Variants in NREP observed in about 807,000 individuals in gnomAD.
NREP encodes neuronal regeneration related protein.
A neutral mutation model predicts 8.6 loss-of-function variants in NREP; 5 were observed. The observed-to-expected ratio is 0.58, with a 90% CI of 0.30 to 1.22. The LOEUF (loss-of-function observed/expected upper bound fraction) is 1.22, where lower values mean the gene tolerates loss of function less well. Among genes scored for constraint, NREP ranks in the 50% most tolerant of loss-of-function variants. The pLI is 0.07. For synonymous variants in NREP, 27 were observed against 28.0 expected (o/e 0.96, Z 0.11); for missense variants, 86 against 82.5 (o/e 1.04, Z -0.17).
intron 2 of NREP, among the ~76,000 whole-genome samples, chr5:111,927,723 G>A (rs913524061): frequency 6.6e-6 from 1 of 152,114 alleles, no homozygotes; most frequent in Non-Finnish European, 1.5e-5. Flanking sequence ...CCTCACAAGA[G>A]TAACTACCCT....
Position 111,739,954 on chromosome 5 carries a change from T to C in NREP, c.4-4447A>G, listed in dbSNP as rs1395442807. Among the ~76,000 whole-genome samples, 90 of 151,978 alleles carry C rather than the reference T, an allele frequency of 5.9e-4. 1 individual carries two copies. Among genetic ancestry groups the C allele is most frequent in the Admixed American group, 5.9e-3 (90 of 15,246 alleles). Reference sequence around the variant, plus strand: ...CTAGAATACTATTCTTCCAGAAGTCTATTAGAAAATCAGAAAAGCAAATCG... The same window carrying C: ...CTAGAATACTATTCTTCCAGAAGTCCATTAGAAAATCAGAAAAGCAAATCG... On this transcript the variant is annotated intron_variant, in intron 2 of 3. Coordinates refer to ENST00000257435, the MANE Select transcript of NREP (RefSeq NM_004772.4).
chr5:111,759,897 A>G (rs572798422), upstream of NREP, among the ~76,000 whole-genome samples: 68 of 152,272 alleles, frequency 4.5e-4, no homozygotes, highest in African/African-American at 1.4e-3. Flanking sequence ...CTGCTCCATT[A>G]CGGGATAAAG....
chr5:111,751,991 A>C (rs1352207694), intron 2 of NREP, among the ~76,000 whole-genome samples: 1 of 152,238 alleles, frequency 6.6e-6, no homozygotes, highest in East Asian at 1.9e-4. Flanking sequence ...TAACTGACCA[A>C]GTAAATTAAT....
intron 2 of NREP, among the ~76,000 whole-genome samples, chr5:111,766,655 C>T (rs945505305): frequency 9.2e-5 from 14 of 152,230 alleles, no homozygotes; most frequent in African/African-American, 1.7e-4. Context: ...CATCCTAACC[C>T]TCTGTCTCTT....
At chr5:111,919,573 G>A (rs1755165156) in intron 2 of NREP, among the ~76,000 whole-genome samples, 1 of 151,952 alleles carries the variant, frequency 6.6e-6, no homozygotes, top group South Asian at 2.1e-4. Context: ...ATCTTTACAG[G>A]GACATGGATG....
intron 2 of NREP, among the ~76,000 whole-genome samples, chr5:111,769,326 T>G (rs1174990837): frequency 1.3e-5 from 2 of 152,224 alleles, no homozygotes; most frequent in African/African-American, 2.4e-5. Context: ...CTAATGGAAC[T>G]TAATTCTATA....
At chr5:111,760,469 G>A (rs7705108), upstream of NREP, among the ~76,000 whole-genome samples, 5 of 152,296 alleles carry the variant, frequency 3.3e-5, no homozygotes, top group South Asian at 2.1e-4. Context: ...GGAATTTGTC[G>A]TCTGGGGTGA....
intron 2 of NREP, among the ~76,000 whole-genome samples, chr5:111,792,182 A>C (rs17133766): frequency 0.025 from 3,747 of 152,330 alleles, 173 homozygotes; most frequent in African/African-American, 0.084. Context: ...GCTTAGAGCC[A>C]ATTTTATAGC....
chr5:111,768,265 GAGC>G (rs1561658753), intron 2 of NREP, among the ~76,000 whole-genome samples: 1 of 152,164 alleles, frequency 6.6e-6, no homozygotes, highest in Non-Finnish European at 1.5e-5. Context: ...AAGAAAATAG[GAGC>G]AGAAGGAGAT....
intron 2 of NREP, among the ~76,000 whole-genome samples, chr5:111,964,725 T>A (rs1442157391): frequency 6.6e-6 from 1 of 151,460 alleles, no homozygotes; most frequent in African/African-American, 2.4e-5. Flanking sequence ...TTATAAAAAA[T>A]ATTATGAACA....
At chr5:111,776,993 G>GGAA (rs1478792429) in intron 2 of NREP, among the ~76,000 whole-genome samples, 1 of 123,110 alleles carries the variant, frequency 8.1e-6, no homozygotes, top group Non-Finnish European at 1.8e-5. Flanking sequence ...AAAAGGATGA[G>GGAA]GAGGAGGAGG....
chr5:111,758,060 C>T (rs1425441355), upstream of NREP: 3 of 985,468 alleles, frequency 3.0e-6, no homozygotes, highest in Admixed American at 1.2e-4. Flanking sequence ...CGGAGCCGCG[C>T]TCAGACACAC....
intron 2 of NREP, among the ~76,000 whole-genome samples, chr5:111,937,250 A>G (rs1434775980): frequency 1.3e-5 from 2 of 152,130 alleles, no homozygotes; most frequent in South Asian, 2.1e-4. Context: ...AGTGTAGCAG[A>G]TAAGTGTAAC....
chr5:111,759,702 G>C (rs975364002), upstream of NREP, among the ~76,000 whole-genome samples: 7 of 152,166 alleles, frequency 4.6e-5, no homozygotes, highest in African/African-American at 1.4e-4. Flanking sequence ...GTCTCCTCTA[G>C]GTGAAGGGGG....
At chr5:111,904,886 G>A (rs1262620567) in intron 2 of NREP, among the ~76,000 whole-genome samples, 5 of 151,968 alleles carry the variant, frequency 3.3e-5, no homozygotes, top group Non-Finnish European at 7.4e-5. Flanking sequence ...TGTCTCTCAG[G>A]CTCATTCAGC....
intron 2 of NREP, among the ~76,000 whole-genome samples, chr5:111,881,947 T>C (rs1019339642): frequency 6.6e-6 from 1 of 152,202 alleles, no homozygotes; most frequent in African/African-American, 2.4e-5. Context: ...AGGATCACAG[T>C]TCCTCACCAG....
In NREP at chr5:111,856,760, G is replaced by A. The variant is rs552965186; in HGVS notation, c.135+118514C>T. On this transcript the variant is annotated intron_variant, in intron 2 of 3. Transcript: ENST00000395634. ...TTTTTTTTTTAACTTGAAAAAAACC[G>A]ACTGGTTTGATGACTTGCTTCAGAG... Among the ~76,000 whole-genome samples the A allele has an allele frequency of 8.6e-5, 13 of 151,022 alleles. 1 individual carries two copies. Among genetic ancestry groups the A allele is most frequent in the Non-Finnish European group, 1.3e-4 (9 of 67,826 alleles).
At chr5:111,890,003 A>G (rs1754355841) in intron 2 of NREP, among the ~76,000 whole-genome samples, 1 of 152,174 alleles carries the variant, frequency 6.6e-6, no homozygotes, top group Non-Finnish European at 1.5e-5. Flanking sequence ...GTGGAAGGTC[A>G]TCAGTTAAGG....
chr5:111,842,976 TTC>T (rs1470340716), intron 2 of NREP, among the ~76,000 whole-genome samples: 3 of 152,178 alleles, frequency 2.0e-5, no homozygotes, highest in Non-Finnish European at 4.4e-5. Flanking sequence ...CTCGCTAAAA[TTC>T]TCTGTCTTTG....
Sources: gnomAD v4.1 joint callset for allele counts (sites outside exome capture counted in the v4.1 genomes callset) on GRCh38, gnomAD v4.1.1 for gene constraint, MANE v1.5 for transcripts, NCBI Gene and HGNC (gene_info 2026-07-23, HGNC 2026-07-21) for gene names.